The following LPA variants were observed in gnomAD, a reference collection of about 807,000 sequenced individuals.
LPA encodes the protein lipoprotein(a).
Under a neutral mutation model 197.9 loss-of-function variants are expected in LPA, and 199 were observed. That is an observed-to-expected ratio of 1.01 (90% CI 0.90 to 1.13). The LOEUF (loss-of-function observed/expected upper bound fraction) is 1.13. Among genes scored for constraint, LPA ranks in the 50% most tolerant of loss-of-function variants. The pLI, the probability that LPA is intolerant of heterozygous loss-of-function variation, is 0.00. For missense variants in LPA, 1,853 were observed against 1,785.8 expected, an observed-to-expected ratio of 1.04 and a Z score of -0.68; for synonymous variants, 715 against 639.5, an observed-to-expected ratio of 1.12 and a Z score of -1.78.
chr6:160,566,944 C>T (rs1318966690), intron 28 of LPA, among the ~76,000 whole-genome samples: 1 of 152,210 alleles, frequency 6.6e-6, no homozygotes, highest in Non-Finnish European at 1.5e-5. Flanking sequence ...GAAGAGCTAA[C>T]TATCCTAAAT....
Position 160,591,849 on chromosome 6 carries a change from T to C in LPA, c.3630-748A>G, listed in dbSNP as rs187556174. On this transcript the variant is annotated intron_variant, in intron 22 of 38. Coordinates refer to ENST00000316300, the MANE Select transcript of LPA (RefSeq NM_005577.4). Reference sequence around the variant, plus strand: ...TTGGACTATTTCCATCCATCCCCTTTCCTTGTGTCTTATTTGCTTTTCCTT... The same window carrying C: ...TTGGACTATTTCCATCCATCCCCTTCCCTTGTGTCTTATTTGCTTTTCCTT... 1.4e-4 allele frequency among the ~76,000 whole-genome samples: 22 copies of C among 152,342 alleles called. No homozygotes were observed. In the East Asian group the frequency reaches 3.5e-3, roughly 24 times the overall value.
In LPA at chr6:160,610,527, T is replaced by A. The variant is rs1582884905; in HGVS notation, c.2603+1035A>T. On this transcript the variant is annotated intron_variant, in intron 16 of 38. Coordinates refer to ENST00000316300, the MANE Select transcript of LPA (RefSeq NM_005577.4). Reference sequence around the variant, plus strand: ...ATTGAGCTTGCTGTTCTCTTGTAGTTGCTGTTTCTCAGTAAATGTTCTTTG... The same window carrying A: ...ATTGAGCTTGCTGTTCTCTTGTAGTAGCTGTTTCTCAGTAAATGTTCTTTG... Among the ~76,000 whole-genome samples, 6 of 152,316 alleles carry A rather than the reference T, an allele frequency of 3.9e-5. No individual in the cohort carries two copies. The South Asian group carries it at 1.2e-3, about 32-fold the overall frequency.
chr6:160,593,335 C>T lies in LPA; in HGVS notation c.3629+623G>A, dbSNP rs541762158. 1.6e-4 allele frequency among the ~76,000 whole-genome samples: 24 copies of T among 152,258 alleles called. No homozygotes were observed. In the South Asian group the frequency reaches 4.8e-3, roughly 30 times the overall value. ...CACTTTTCCTATGTATTTGATAGTC[C>T]TTCATGGCAGAAACGCTGACGTGGT... is the stretch of plus-strand genomic sequence containing the variant. On this transcript the variant is annotated intron_variant, in intron 22 of 38. Coordinates refer to ENST00000316300, the MANE Select transcript of LPA (RefSeq NM_005577.4).
rs41272074 is a variant in LPA at position 160,589,607 on chromosome 6, C to G, written c.3893G>C (p.Trp1298Ser). ...ATGCCAGTGTGGTGTCATAGAGGAC[C>G]AAGACTGACATGTCCTTCCTGTAAC... ...TTVTGRTCQS[W>S]SSMTPHWHQR... Residue 1298 changes from tryptophan to serine, a missense_variant, in exon 24 of 39, where the codon TGG becomes TCG. Physicochemically the swap from Trp to Ser is radical, Grantham distance 177. Around this residue, in one of 3 missense-constraint regions of LPA, gnomAD observed 1,737 missense variants for 1,504.4 expected, o/e 1.15. Coordinates refer to ENST00000316300, the MANE Select transcript of LPA (RefSeq NM_005577.4). 184 of 1,613,760 alleles carry G rather than the reference C, an allele frequency of 1.1e-4. No individual in the cohort carries two copies. The highest frequency in any genetic ancestry group is 1.4e-4 in the Non-Finnish European group (167 of 1,179,880).
intron 22 of LPA, 143 bp from the exon 23 acceptor site, chr6:160,591,244 G>A (rs947432201): frequency 1.6e-5 from 17 of 1,051,988 alleles, no homozygotes; most frequent in South Asian, 1.6e-4. Flanking sequence ...ATCACAAATC[G>A]TCCTCAACTT....
At chr6:160,557,980 C>T (rs1479572529) in intron 28 of LPA, among the ~76,000 whole-genome samples, 5 of 150,114 alleles carry the variant, frequency 3.3e-5, no homozygotes, top group Non-Finnish European at 5.9e-5. Flanking sequence ...AGTGCAGTGG[C>T]GCAATCTCGG....
In LPA at chr6:160,540,081, C is replaced by G; in HGVS notation, c.5697G>C (p.Glu1899Asp). Residue 1899 changes from glutamate to aspartate, a missense_variant, in exon 36 of 39, where the codon GAG becomes GAC. This residue lies in a region of LPA where 1,737 missense variants were observed against 1,504.4 expected (regional missense o/e 1.15). Coordinates refer to ENST00000316300, the MANE Select transcript of LPA (RefSeq NM_005577.4). ...GCAAGGCAATATCTGCTTGTGTGGG[C>G]TCCAAGAACAGCCTAGACACTTCTA... The part of the protein sequence containing the change: ...QEIEVSRLFL[E>D]PTQADIALLK... 3 of 1,614,102 alleles carry G rather than the reference C, an allele frequency of 1.9e-6. No individual in the cohort carries two copies. Among genetic ancestry groups the G allele is most frequent in the Non-Finnish European group, 2.5e-6 (3 of 1,180,026 alleles).
chr6:160,573,003 C>T lies in LPA; in HGVS notation c.4631+4133G>A, dbSNP rs563261772. ...GTCCAGCAAGGCCAGGTAAGTTTTCCCCAGTTATTCCCCCAAATATGTTTT... is the reference window on the plus strand; with the variant it reads ...GTCCAGCAAGGCCAGGTAAGTTTTCTCCAGTTATTCCCCCAAATATGTTTT... On this transcript the variant is annotated intron_variant, in intron 28 of 38. Transcript: ENST00000316300. Among the ~76,000 whole-genome samples, 11 of 152,224 alleles carry T rather than the reference C, an allele frequency of 7.2e-5. No individual in the cohort carries two copies. In the South Asian group the frequency reaches 2.3e-3, roughly 32 times the overall value.
At chr6:160,609,772 T>C (rs1417706377) in intron 16 of LPA, among the ~76,000 whole-genome samples, 1 of 151,986 alleles carries the variant, frequency 6.6e-6, no homozygotes, top group Admixed American at 6.6e-5. Context: ...TGTGTGTGTG[T>C]GTTTGTGTGT....
At chr6:160,550,401 T>C (rs1778149539) in intron 30 of LPA, among the ~76,000 whole-genome samples, 1 of 152,178 alleles carries the variant, frequency 6.6e-6, no homozygotes, top group Non-Finnish European at 1.5e-5. Context: ...CAACATTGTC[T>C]CTGTAGAGAC....
chr6:160,605,790 C>A (rs1253794449), intron 17 of LPA, among the ~76,000 whole-genome samples: 12 of 152,130 alleles, frequency 7.9e-5, no homozygotes, highest in Admixed American at 7.9e-4. Flanking sequence ...AGCTTACTCC[C>A]CTGCAGGAGA....
chr6:160,560,941 A>G (rs879377698), intron 28 of LPA, among the ~76,000 whole-genome samples: 2 of 151,278 alleles, frequency 1.3e-5, no homozygotes, highest in Non-Finnish European at 2.9e-5. Context: ...ATGGAGTCTC[A>G]CTCTGTTGCC....
chr6:160,531,714 C>G lies in LPA; in HGVS notation c.*15G>C. On this transcript the variant is annotated 3_prime_UTR_variant, in exon 39 of 39. Coordinates refer to ENST00000316300, the MANE Select transcript of LPA (RefSeq NM_005577.4). ...CTTCTAAGTAGGTTGATGCTTCACT[C>G]TGTCTCCCGTCCAATTAATTATTTC... 6.2e-7 allele frequency: 1 copy of G among 1,614,028 alleles called. No individual in the cohort carries two copies. The highest frequency in any genetic ancestry group is 8.5e-7 in the Non-Finnish European group (1 of 1,179,926).
intron 19 of LPA, 60 bp downstream of exon 19, chr6:160,600,857 G>C (rs1779224468): frequency 6.4e-7 from 1 of 1,562,268 alleles, no homozygotes; most frequent in Non-Finnish European, 8.8e-7. Flanking sequence ...CGTCAGTGGG[G>C]GTATCCATGG....
chr6:160,650,375 G>A lies in LPA; in HGVS notation c.172C>T (p.His58Tyr). The change falls in exon 2 of 39, where the codon CAT (histidine) becomes TAT (tyrosine). Residue 58 changes from histidine to tyrosine, a missense_variant. Physicochemically the swap from His to Tyr is moderately conservative, Grantham distance 83. Transcript: ENST00000316300. Reference protein sequence around the residue: ...TCQAWSSMTPHQHNRTTENYP... With the variant: ...TCQAWSSMTPYQHNRTTENYP... ...TTTTCTGTGGTCCTATTATGTTGAT[G>A]TGGTGTCATAGATGACCAAGCTTGG... The A allele has an allele frequency of 1.9e-6, 3 of 1,613,890 alleles. No individual in the cohort carries two copies. The highest frequency in any genetic ancestry group is 2.2e-5 in the South Asian group (2 of 91,080).
At chr6:160,584,400 C>T (rs551812900) in intron 26 of LPA, among the ~76,000 whole-genome samples, 41 of 146,330 alleles carry the variant, frequency 2.8e-4, no homozygotes, top group African/African-American at 7.3e-4. Flanking sequence ...GGCATGTTCT[C>T]GGCTCACAGC....
chr6:160,548,389 C>T, intron 31 of LPA, 89 bp downstream of exon 31: 1 of 1,345,928 alleles, frequency 7.4e-7, no homozygotes, highest in East Asian at 2.3e-5. Flanking sequence ...AAGGCTTCTG[C>T]ATCAGTGTGG....
chr6:160,561,098 A>T (rs972654099), intron 28 of LPA, among the ~76,000 whole-genome samples: 1 of 151,936 alleles, frequency 6.6e-6, no homozygotes, highest in Non-Finnish European at 1.5e-5. Context: ...TTTAGTAGAG[A>T]TGGGCTTTCA....
At position 160,542,670 on chromosome 6, in the gene LPA, T is replaced by A; in HGVS notation, c.5519+18A>T. On this transcript the variant is annotated intron_variant, in intron 34 of 38. Transcript: ENST00000316300. Reference sequence around the variant, plus strand: ...TACATGGAAGGACAGTATAGATGGTTTCTGGGCCTGTTCTTACCTTGTTCT... The same window carrying A: ...TACATGGAAGGACAGTATAGATGGTATCTGGGCCTGTTCTTACCTTGTTCT... 2 of 1,612,588 alleles carry A rather than the reference T, an allele frequency of 1.2e-6. No homozygotes were observed. Among genetic ancestry groups the A allele is most frequent in the Non-Finnish European group, 1.7e-6 (2 of 1,179,818 alleles).
Sources: gnomAD v4.1 joint callset for allele counts (sites outside exome capture counted in the v4.1 genomes callset) on GRCh38, gnomAD v4.1.1 for gene constraint, gnomAD v4.1.1 regional missense constraint, MANE v1.5 for transcripts, NCBI Gene and HGNC (gene_info 2026-07-23, HGNC 2026-07-21) for gene names.